Variants in C16orf87 observed in about 807,000 individuals in gnomAD.
C16orf87 encodes HDAC and MIER1 interacting protein 1, also known as UPF0547 protein C16orf87.
C16orf87 carries 13 observed loss-of-function variants against 21.0 expected under a neutral mutation model. That is an observed-to-expected ratio of 0.62 (90% CI 0.40 to 0.98). C16orf87 has a LOEUF of 0.98. Among genes scored for constraint, C16orf87 ranks in the 50% least tolerant of loss-of-function variants. The probability of loss-of-function intolerance (pLI) is 0.00; values close to 1 mark genes in which losing one functional copy is unlikely to be tolerated. For synonymous variants in C16orf87, 49 were observed against 60.2 expected (o/e 0.81, Z 0.86); for missense variants, 113 against 180.4 (o/e 0.63, Z 2.14).
At chr16:46,827,229 C>A (rs1478382508) in intron 1 of C16orf87, among the ~76,000 whole-genome samples, 5 of 152,128 alleles carry the variant, frequency 3.3e-5, no homozygotes, top group African/African-American at 9.7e-5. Flanking sequence ...TTCCCCACAA[C>A]CTCTGCCCTG....
At chr16:46,817,449 G>A (rs1417800846) in intron 2 of C16orf87, among the ~76,000 whole-genome samples, 1 of 152,136 alleles carries the variant, frequency 6.6e-6, no homozygotes, top group African/African-American at 2.4e-5. Flanking sequence ...CACTTTGGGA[G>A]GCAGAGGCGG....
chr16:46,802,721 A>G lies in C16orf87; in HGVS notation c.*231T>C, dbSNP rs1367217830. 2 of 344,378 alleles carry G rather than the reference A, an allele frequency of 5.8e-6. No homozygotes were observed. The highest frequency in any genetic ancestry group is 1.0e-5 in the Non-Finnish European group (2 of 190,954). 21.3% of individuals were successfully genotyped at this position (344,378 alleles called of 1,614,324 possible). On this transcript the variant is annotated 3_prime_UTR_variant, in exon 4 of 4. Coordinates refer to ENST00000285697, the MANE Select transcript of C16orf87 (RefSeq NM_001001436.4). ...GTTGTTGGCAAATACACTTACTTAT[A>G]TCCCAAACACAAAACACTGACAATA...
chr16:46,828,571 A>G (rs1959718232), intron 1 of C16orf87, among the ~76,000 whole-genome samples: 1 of 152,230 alleles, frequency 6.6e-6, no homozygotes, highest in African/African-American at 2.4e-5. Flanking sequence ...AAGCCTGCAA[A>G]GGAGATGTTA....
chr16:46,804,701 A>G (rs984462186), intron 3 of C16orf87, among the ~76,000 whole-genome samples: 1 of 152,192 alleles, frequency 6.6e-6, no homozygotes, highest in Non-Finnish European at 1.5e-5. Context: ...CATGTAACCC[A>G]TGTCACAATC....
intron 2 of C16orf87, among the ~76,000 whole-genome samples, chr16:46,814,934 A>C (rs1316414891): frequency 6.6e-6 from 1 of 152,212 alleles, no homozygotes; most frequent in South Asian, 2.1e-4. Flanking sequence ...ATCTTGAAAA[A>C]ATTCAAAGTT....
At chr16:46,808,138 T>C in intron 3 of C16orf87, 1 of 453,972 alleles carries the variant, frequency 2.2e-6, no homozygotes, top group South Asian at 1.6e-5. Flanking sequence ...CTGCACCCTA[T>C]TGTTAAAGAA....
intron 3 of C16orf87, among the ~76,000 whole-genome samples, chr16:46,805,115 T>C (rs1294651320): frequency 6.6e-6 from 1 of 152,216 alleles, no homozygotes; most frequent in African/African-American, 2.4e-5. Context: ...GTAGGCCCTT[T>C]TAACAAAGAA....
chr16:46,809,138 A>T (rs989425137), intron 3 of C16orf87, among the ~76,000 whole-genome samples: 1 of 151,932 alleles, frequency 6.6e-6, no homozygotes, highest in Non-Finnish European at 1.5e-5. Flanking sequence ...CTCTACAAAA[A>T]ATTAGCTAGG....
chr16:46,806,255 ATTT>A (rs765265445), intron 3 of C16orf87, among the ~76,000 whole-genome samples: 2 of 125,784 alleles, frequency 1.6e-5, no homozygotes, highest in Non-Finnish European at 1.7e-5. Flanking sequence ...GTCTACATTC[ATTT>A]TTTTTTTTTT....
At chr16:46,813,380 C>G (rs923125444) in intron 2 of C16orf87, among the ~76,000 whole-genome samples, 3 of 151,700 alleles carry the variant, frequency 2.0e-5, no homozygotes, top group Middle Eastern at 3.4e-3. Flanking sequence ...TCCACAGATA[C>G]TCCTTGCAAA....
chr16:46,814,610 G>A (rs16948661), intron 2 of C16orf87, among the ~76,000 whole-genome samples: 26,697 of 152,034 alleles, frequency 0.18, 2,926 homozygotes, highest in African/African-American at 0.3. Flanking sequence ...CAAAACAGAC[G>A]TTTAAAACAG....
chr16:46,824,283 T>C, intron 2 of C16orf87, 103 bp downstream of exon 2: 1 of 638,192 alleles, frequency 1.6e-6, no homozygotes, highest in Non-Finnish European at 2.7e-6. Context: ...CTTGAATAGA[T>C]TTAAACTTTT....
intron 2 of C16orf87, among the ~76,000 whole-genome samples, chr16:46,812,899 T>A (rs560081522): frequency 6.6e-6 from 1 of 152,196 alleles, no homozygotes. Context: ...TCAACAAAGA[T>A]GACTACTACT....
chr16:46,808,708 T>C (rs1967995734), intron 3 of C16orf87, among the ~76,000 whole-genome samples: 1 of 152,124 alleles, frequency 6.6e-6, no homozygotes, highest in African/African-American at 2.4e-5. Context: ...CTTGCATATG[T>C]TGAAATTTTC....
At chr16:46,819,983 C>CA (rs978887354) in intron 2 of C16orf87, among the ~76,000 whole-genome samples, 27 of 141,578 alleles carry the variant, frequency 1.9e-4, no homozygotes, top group East Asian at 4.1e-4. Flanking sequence ...GACTCCATCT[C>CA]AAAAAAAAAA....
At chr16:46,820,896 A>C (rs1430755391) in intron 2 of C16orf87, among the ~76,000 whole-genome samples, 3 of 152,238 alleles carry the variant, frequency 2.0e-5, no homozygotes, top group Non-Finnish European at 4.4e-5. Context: ...TGTGGGCAAA[A>C]AGAATGGCAT....
In C16orf87 at chr16:46,797,805, T is replaced by C. The variant is rs955015762; in HGVS notation, c.*5147A>G. 5 of 152,040 alleles carry C rather than the reference T, an allele frequency of 3.3e-5. No homozygotes were observed. Among genetic ancestry groups the C allele is most frequent in the Non-Finnish European group, 7.4e-5 (5 of 68,006 alleles). 9.4% of individuals were successfully genotyped at this position (152,040 alleles called of 1,614,324 possible). On this transcript the variant is annotated 3_prime_UTR_variant, in exon 4 of 4. Transcript: ENST00000285697. ...TGTTTATAGTAATCCCTAGAGCAAA[T>C]ACTGCAAAACTATTCAAAGAACTAT...
chr16:46,803,100 T>G, intron 3 of C16orf87, 30 bp from the exon 4 acceptor site: 1 of 1,086,846 alleles, frequency 9.2e-7, no homozygotes. Flanking sequence ...AAGTTTAATA[T>G]AAAGGCAGTA....
chr16:46,802,686 G>T lies in C16orf87; in HGVS notation c.*266C>A, dbSNP rs375842624. On this transcript the variant is annotated 3_prime_UTR_variant, in exon 4 of 4. Coordinates refer to ENST00000285697, the MANE Select transcript of C16orf87 (RefSeq NM_001001436.4). ...TAACATCCATCCAGCATTTTTGTTGGTTTTTTTTTGTTGTTGGCAAATACA... is the reference window on the plus strand; with the variant it reads ...TAACATCCATCCAGCATTTTTGTTGTTTTTTTTTTGTTGTTGGCAAATACA... The T allele has an allele frequency of 5.8e-5, 15 of 257,856 alleles. No individual in the cohort carries two copies. Among genetic ancestry groups the T allele is most frequent in the Admixed American group, 1.6e-4 (3 of 18,392 alleles). The allele number at this position is 257,856 out of a possible 1,614,324, so 16.0% of individuals were successfully genotyped here. A position where few individuals can be genotyped will look rare whatever the true frequency, so the allele number is the denominator to read the frequency against.
Sources: gnomAD v4.1 joint callset for allele counts (sites outside exome capture counted in the v4.1 genomes callset) on GRCh38, gnomAD v4.1.1 for gene constraint, MANE v1.5 for transcripts, NCBI Gene and HGNC (gene_info 2026-07-23, HGNC 2026-07-21) for gene names.